ERCC6L2: variants seen among roughly 807,000 people sequenced by gnomAD.
ERCC6L2 encodes the protein ERCC excision repair 6 like 2, also known as DNA excision repair protein ERCC-6-like 2.
A neutral mutation model predicts 132.0 loss-of-function variants in ERCC6L2; 77 were observed. The observed-to-expected ratio is 0.58, with a 90% CI of 0.49 to 0.71. ERCC6L2 has a LOEUF of 0.71. Ranked by LOEUF, ERCC6L2 falls within the 30% of genes least tolerant of loss-of-function variation. ERCC6L2 has a pLI of 0.00. For missense variants in ERCC6L2, 1,542 were observed against 1,837.6 expected, an observed-to-expected ratio of 0.84 and a Z score of 2.94; for synonymous variants, 583 against 632.4, an observed-to-expected ratio of 0.92 and a Z score of 1.17.
intron 12 of ERCC6L2, among the ~76,000 whole-genome samples, chr9:95,944,702 G>A (rs750931211): frequency 2.0e-5 from 3 of 151,830 alleles, no homozygotes; most frequent in South Asian, 2.1e-4. Flanking sequence ...CCTAAGTGTC[G>A]GCCGGTCTGA....
intron 4 of ERCC6L2, among the ~76,000 whole-genome samples, chr9:95,911,439 T>G (rs1228743089): frequency 6.6e-6 from 1 of 152,136 alleles, no homozygotes; most frequent in Admixed American, 6.5e-5. Context: ...CTGATTGTTA[T>G]AAATATTGTT....
chr9:95,970,748 C>A, intron 15 of ERCC6L2, 92 bp downstream of exon 15: 3 of 905,924 alleles, frequency 3.3e-6, no homozygotes, highest in African/African-American at 1.8e-5. Context: ...ATTTTATAAC[C>A]TGTAAAAAAA....
chr9:96,000,094 G>A (rs1425796576), intron 17 of ERCC6L2, among the ~76,000 whole-genome samples: 2 of 151,914 alleles, frequency 1.3e-5, no homozygotes, highest in African/African-American at 4.8e-5. Flanking sequence ...TCACCATGTT[G>A]GCCAGGATGG....
At chr9:96,010,803 G>A (rs895727695) in intron 18 of ERCC6L2, among the ~76,000 whole-genome samples, 3 of 152,140 alleles carry the variant, frequency 2.0e-5, no homozygotes, top group African/African-American at 4.8e-5. Flanking sequence ...CAAGTAAACT[G>A]TAAACTCCTT....
In ERCC6L2 at chr9:96,031,864, C is replaced by G. The variant is rs139768504; in HGVS notation, c.*1504-7012C>G. On this transcript the variant is annotated intron_variant and NMD_transcript_variant, in intron 19 of 20. Coordinates refer to the ERCC6L2 transcript ENST00000670016. ...AAGCCCTCCTGCTTGCTGGGCACATCCTGAGTGGCCGTCCTGAGTCCGTGT... is the reference window on the plus strand; with the variant it reads ...AAGCCCTCCTGCTTGCTGGGCACATGCTGAGTGGCCGTCCTGAGTCCGTGT... 2.7e-4 allele frequency among the ~76,000 whole-genome samples: 41 copies of G among 152,330 alleles called. 1 individual carries two copies. In the East Asian group the frequency reaches 7.9e-3, roughly 29 times the overall value.
At chr9:96,025,436 C>CTCAG (rs1834347720) in intron 19 of ERCC6L2, among the ~76,000 whole-genome samples, 1 of 152,184 alleles carries the variant, frequency 6.6e-6, no homozygotes. Flanking sequence ...GGCGGTGGGG[C>CTCAG]TCAGGTTCAG....
chr9:95,940,620 G>A (rs1392722230), intron 11 of ERCC6L2, among the ~76,000 whole-genome samples: 1 of 151,966 alleles, frequency 6.6e-6, no homozygotes, highest in Non-Finnish European at 1.5e-5. Context: ...ATTATACTCA[G>A]TATATACCAG....
intron 19 of ERCC6L2, among the ~76,000 whole-genome samples, chr9:96,035,326 G>A (rs758926791): frequency 1.8e-4 from 27 of 152,148 alleles, no homozygotes; most frequent in Non-Finnish European, 3.4e-4. Flanking sequence ...GAGATTCATG[G>A]TGCCTCTTCC....
rs1034054543 is a variant in ERCC6L2 at position 95,915,607 on chromosome 9, A to G, written c.789-61A>G. On this transcript the variant is annotated intron_variant, in intron 4 of 18. Transcript: ENST00000653738. ...TTGATAGAGAAAGCTACTGTCTAAA[A>G]TTGTAAGGACTAAGAAAGGAAGTTT... 7 of 1,493,852 alleles carry G rather than the reference A, an allele frequency of 4.7e-6. No individual in the cohort carries two copies. The African/African-American group carries it at 9.9e-5, about 21-fold the overall frequency. 92.5% of individuals were successfully genotyped at this position (1,493,852 alleles called of 1,614,324 possible).
chr9:96,000,234 T>A (rs933312378), intron 17 of ERCC6L2, among the ~76,000 whole-genome samples: 7 of 152,208 alleles, frequency 4.6e-5, no homozygotes, highest in African/African-American at 1.7e-4. Context: ...ACTTTTAACA[T>A]TACTGATATA....
At chr9:95,884,240 G>A (rs1827745978) in intron 2 of ERCC6L2, among the ~76,000 whole-genome samples, 1 of 152,100 alleles carries the variant, frequency 6.6e-6, no homozygotes, top group Non-Finnish European at 1.5e-5. Context: ...GATGCTTGGG[G>A]ACCTAGTTCT....
At chr9:95,914,433 A>G (rs1412018831) in intron 4 of ERCC6L2, among the ~76,000 whole-genome samples, 2 of 151,992 alleles carry the variant, frequency 1.3e-5, no homozygotes, top group Non-Finnish European at 2.9e-5. Context: ...GGCTCACTAC[A>G]ACCTCTGACT....
At position 96,012,222 on chromosome 9, in the gene ERCC6L2, T is replaced by C. The variant is rs746992663; in HGVS notation, c.3675-3T>C. The C allele has an allele frequency of 3.2e-6, 4 of 1,242,936 alleles. No homozygotes were observed. The highest frequency in any genetic ancestry group is 3.1e-5 in the Admixed American group (1 of 31,798). The allele number at this position is 1,242,936 out of a possible 1,614,324, so 77.0% of individuals were successfully genotyped here. On this transcript the variant is annotated splice_region_variant and splice_polypyrimidine_tract_variant and intron_variant, in intron 18 of 18. Coordinates refer to ENST00000653738, the MANE Select transcript of ERCC6L2 (RefSeq NM_020207.7). ...CCACTAGTTTTGTTCATTTAATCTTTAGAAAACAATTTGAAGAAATGGCCT... is the reference window on the plus strand; with the variant it reads ...CCACTAGTTTTGTTCATTTAATCTTCAGAAAACAATTTGAAGAAATGGCCT...
intron 13 of ERCC6L2, among the ~76,000 whole-genome samples, chr9:95,956,449 G>A (rs1831607041): frequency 6.6e-6 from 1 of 152,146 alleles, no homozygotes; most frequent in Admixed American, 6.6e-5. Context: ...TGATATGTTG[G>A]TCCCACAGCT....
chr9:95,895,744 T>TG (rs1828421578), intron 2 of ERCC6L2, among the ~76,000 whole-genome samples: 1 of 149,162 alleles, frequency 6.7e-6, no homozygotes, highest in Non-Finnish European at 1.5e-5. Flanking sequence ...TTTTTTTTTT[T>TG]TGAGACAGAG....
At chr9:95,943,996 T>C (rs535606581) in intron 12 of ERCC6L2, among the ~76,000 whole-genome samples, 3 of 152,194 alleles carry the variant, frequency 2.0e-5, no homozygotes, top group Non-Finnish European at 4.4e-5. Context: ...TACCATGTTA[T>C]CCAGCAATTA....
intron 17 of ERCC6L2, among the ~76,000 whole-genome samples, chr9:96,002,447 G>C (rs1248355301): frequency 1.4e-5 from 2 of 139,494 alleles, no homozygotes; most frequent in Non-Finnish European, 3.0e-5. Flanking sequence ...CCTGAGACAA[G>C]ATCTGGCCCT....
rs574125871 is a variant in ERCC6L2 at position 95,961,471 on chromosome 9, G to T, written c.1948-5091G>T. Among the ~76,000 whole-genome samples, 12 of 152,242 alleles carry T rather than the reference G, an allele frequency of 7.9e-5. No individual in the cohort carries two copies. The South Asian group carries it at 2.5e-3, about 32-fold the overall frequency. On this transcript the variant is annotated intron_variant, in intron 13 of 18. Coordinates refer to ENST00000653738, the MANE Select transcript of ERCC6L2 (RefSeq NM_020207.7). ...GGACACCTTGATTTCAGATTTAGCT[G>T]CACAACTATGAGAAAATAAATTTCT...
At chr9:95,912,207 C>T (rs887121590) in intron 4 of ERCC6L2, among the ~76,000 whole-genome samples, 2 of 152,154 alleles carry the variant, frequency 1.3e-5, no homozygotes, top group African/African-American at 4.8e-5. Flanking sequence ...CTAGTCTCTG[C>T]TTTTGTCAGC....
Sources: gnomAD v4.1 joint callset for allele counts (sites outside exome capture counted in the v4.1 genomes callset) on GRCh38, gnomAD v4.1.1 for gene constraint, MANE v1.5 for transcripts, NCBI Gene and HGNC (gene_info 2026-07-23, HGNC 2026-07-21) for gene names.